The following LSAMP variants were observed in gnomAD, a reference collection of about 807,000 sequenced individuals.
LSAMP encodes limbic system associated membrane protein.
LSAMP carries 7 observed loss-of-function variants against 38.6 expected under a neutral mutation model. The ratio of observed to expected loss-of-function variants is 0.18; its 90% CI spans 0.10 to 0.34. The LOEUF is 0.34. Ranked by LOEUF, LSAMP falls within the 10% of genes least tolerant of loss-of-function variation. The pLI, the probability that LSAMP is intolerant of heterozygous loss-of-function variation, is 1.00. For synonymous variants in LSAMP, 154 were observed against 166.8 expected (o/e 0.92, Z 0.59); for missense variants, 313 against 420.0 (o/e 0.75, Z 2.23).
chr3:116,222,299 T>G (rs2046294997), intron 1 of LSAMP, among the ~76,000 whole-genome samples: 1 of 151,340 alleles, frequency 6.6e-6, no homozygotes, highest in Admixed American at 6.6e-5. Context: ...ATTAGATACT[T>G]TTTTTTTAAT....
At chr3:116,402,304 A>G (rs1050301176) in intron 1 of LSAMP, among the ~76,000 whole-genome samples, 3 of 152,182 alleles carry the variant, frequency 2.0e-5, no homozygotes, top group Non-Finnish European at 2.9e-5. Flanking sequence ...ATCACTTTTC[A>G]TTTAAGAAAG....
At chr3:115,860,826 G>T (rs1391506534) in intron 3 of LSAMP, among the ~76,000 whole-genome samples, 4 of 152,058 alleles carry the variant, frequency 2.6e-5, no homozygotes, top group African/African-American at 7.2e-5. Flanking sequence ...AAAAATTAGG[G>T]CTGGCAAATT....
At chr3:116,036,011 G>A (rs111563888) in intron 2 of LSAMP, among the ~76,000 whole-genome samples, 5 of 152,170 alleles carry the variant, frequency 3.3e-5, no homozygotes, top group East Asian at 1.9e-4. Flanking sequence ...GTGGATACAC[G>A]ATCAAGAAGG....
rs140228147 is a variant in LSAMP at position 116,232,237 on chromosome 3, T to C, written c.156-145681A>G. On this transcript the variant is annotated intron_variant, in intron 1 of 6. Coordinates refer to ENST00000490035, the MANE Select transcript of LSAMP (RefSeq NM_002338.5). ...GGAGTACTAAAATGAGTCCTCCAAA[T>C]TCTACAGCCATCCTATGTTTAGGGC... Among the ~76,000 whole-genome samples, 327 of 152,268 alleles carry C rather than the reference T, an allele frequency of 2.1e-3. 5 individuals are homozygous for C. The highest frequency in any genetic ancestry group is 7.3e-3 in the African/African-American group (302 of 41,576).
At chr3:116,229,151 G>A (rs2046372518) in intron 1 of LSAMP, among the ~76,000 whole-genome samples, 1 of 152,002 alleles carries the variant, frequency 6.6e-6, no homozygotes, top group Non-Finnish European at 1.5e-5. Flanking sequence ...TGTTTCTTTT[G>A]GGAGAAGTAT....
At chr3:116,166,791 T>G (rs967153154) in intron 1 of LSAMP, among the ~76,000 whole-genome samples, 1 of 145,086 alleles carries the variant, frequency 6.9e-6, no homozygotes. Context: ...TTTTTTGTTT[T>G]TTTTTTTTTT....
intron 1 of LSAMP, among the ~76,000 whole-genome samples, chr3:116,119,626 T>A (rs147318493): frequency 8.6e-5 from 13 of 151,984 alleles, no homozygotes; most frequent in African/African-American, 1.2e-4. Flanking sequence ...TTATATAAGT[T>A]ACTAAGGCTA....
chr3:115,956,760 T>C (rs1451746788), intron 3 of LSAMP, among the ~76,000 whole-genome samples: 2 of 152,190 alleles, frequency 1.3e-5, no homozygotes, highest in Non-Finnish European at 2.9e-5. Flanking sequence ...ATAAGAGATA[T>C]CAGCATATCA....
At chr3:116,214,063 A>G (rs1409532151) in intron 1 of LSAMP, among the ~76,000 whole-genome samples, 1 of 152,250 alleles carries the variant, frequency 6.6e-6, no homozygotes, top group Non-Finnish European at 1.5e-5. Context: ...AAGAGTTCTT[A>G]TCACAATAAA....
intron 2 of LSAMP, among the ~76,000 whole-genome samples, chr3:116,083,936 C>T (rs1255245195): frequency 6.6e-6 from 1 of 152,140 alleles, no homozygotes; most frequent in Non-Finnish European, 1.5e-5. Context: ...CAAAAATTCC[C>T]CTTGGCGACT....
At chr3:116,027,693 A>G (rs1940825116) in intron 2 of LSAMP, among the ~76,000 whole-genome samples, 1 of 152,098 alleles carries the variant, frequency 6.6e-6, no homozygotes, top group Admixed American at 6.6e-5. Context: ...TGGTTGCTTT[A>G]AAACAACCTT....
chr3:116,157,209 A>T (rs1709773170), intron 1 of LSAMP, among the ~76,000 whole-genome samples: 1 of 152,116 alleles, frequency 6.6e-6, no homozygotes, highest in Admixed American at 6.6e-5. Context: ...ACATAATTCA[A>T]GCAGGGAGGG....
intron 1 of LSAMP, among the ~76,000 whole-genome samples, chr3:116,391,481 C>T (rs925449244): frequency 1.8e-4 from 28 of 152,122 alleles, no homozygotes; most frequent in Non-Finnish European, 2.9e-5. Context: ...GGAGCCTGCC[C>T]CTGGGAGACT....
chr3:116,180,958 G>T lies in LSAMP; in HGVS notation c.156-94402C>A, dbSNP rs1012300737. Among the ~76,000 whole-genome samples the T allele has an allele frequency of 2.0e-5, 3 of 152,082 alleles. No homozygotes were observed. In the East Asian group the frequency reaches 5.8e-4, roughly 29 times the overall value. On this transcript the variant is annotated intron_variant, in intron 1 of 6. Transcript: ENST00000490035. ...TGAGAGAGCTGCTGAAATAACAGCA[G>T]CATATGAGTGCTGCTGAAAGTTGGC...
chr3:116,287,941 CATG>C (rs1224071369), intron 1 of LSAMP, among the ~76,000 whole-genome samples: 4 of 152,164 alleles, frequency 2.6e-5, no homozygotes, highest in African/African-American at 9.7e-5. Context: ...ACTCAGGAAG[CATG>C]ATATTTCCTC....
At chr3:116,271,617 A>AAAAC (rs1196734678) in intron 1 of LSAMP, among the ~76,000 whole-genome samples, 2 of 152,108 alleles carry the variant, frequency 1.3e-5, no homozygotes, top group South Asian at 4.1e-4. Flanking sequence ...ATATTGAGCA[A>AAAAC]AAACATTCTA....
chr3:116,113,092 G>C (rs1267967528), intron 1 of LSAMP, among the ~76,000 whole-genome samples: 2 of 151,960 alleles, frequency 1.3e-5, no homozygotes, highest in African/African-American at 4.8e-5. Context: ...CACAAACTCT[G>C]TGAGAAACAG....
At chr3:116,264,879 A>C (rs7653653) in intron 1 of LSAMP, among the ~76,000 whole-genome samples, 1 of 141,712 alleles carries the variant, frequency 7.1e-6, no homozygotes, top group East Asian at 2.0e-4. Flanking sequence ...GTGCTGGGGG[A>C]AAAAAAAAAG....
intron 1 of LSAMP, among the ~76,000 whole-genome samples, chr3:116,166,518 C>A (rs1395981000): frequency 1.3e-5 from 2 of 152,132 alleles, no homozygotes; most frequent in Non-Finnish European, 2.9e-5. Context: ...CAACTGCAGG[C>A]ATTCAGCACT....
Sources: allele counts gnomAD v4.1 joint callset (sites outside exome capture counted in the v4.1 genomes callset), GRCh38; gene constraint gnomAD v4.1.1; transcripts MANE v1.5; gene names NCBI Gene and HGNC (gene_info 2026-07-23, HGNC 2026-07-21).